The following NYAP2 variants were observed in gnomAD, a reference collection of about 807,000 sequenced individuals.
The protein encoded by NYAP2 is neuronal tyrosine-phosphorylated phosphoinositide-3-kinase adaptor 2, also known as neuronal tyrosine-phosphorylated phosphoinositide-3-kinase adapter 2.
In NYAP2, 23 loss-of-function variants were observed where a neutral mutation model predicts 50.4. The observed-to-expected ratio is 0.46, with a 90% CI of 0.33 to 0.65. The LOEUF is 0.65. Among genes scored for constraint, NYAP2 ranks in the 30% least tolerant of loss-of-function variants. The pLI, the probability that NYAP2 is intolerant of heterozygous loss-of-function variation, is 0.02. For missense variants in NYAP2, 885 were observed against 861.0 expected, an observed-to-expected ratio of 1.03 and a Z score of -0.35; for synonymous variants, 394 against 365.2, an observed-to-expected ratio of 1.08 and a Z score of -0.90.
chr2:225,662,378 A>G, the NYAP2 span, among the ~76,000 whole-genome samples: 1 of 152,244 alleles, frequency 6.6e-6, no homozygotes, highest in Non-Finnish European at 1.5e-5. Flanking sequence ...ACATTCTGAA[A>G]AGAAAACATA....
intron 3 of NYAP2, among the ~76,000 whole-genome samples, chr2:225,485,319 C>T (rs1034377606): frequency 2.0e-5 from 3 of 152,132 alleles, no homozygotes; most frequent in Non-Finnish European, 2.9e-5. Flanking sequence ...GTCAATTAAA[C>T]CTCTTTCCCT....
intron 5 of NYAP2, among the ~76,000 whole-genome samples, chr2:225,613,221 A>G (rs779720516): frequency 6.6e-6 from 1 of 152,306 alleles, no homozygotes; most frequent in East Asian, 1.9e-4. Context: ...GAGAGTCCCC[A>G]GAAATCCACT....
intron 4 of NYAP2, among the ~76,000 whole-genome samples, chr2:225,537,441 T>C (rs1443980114): frequency 6.6e-6 from 1 of 152,156 alleles, no homozygotes; most frequent in East Asian, 1.9e-4. Context: ...CCTCACACCA[T>C]GGCAGAAGGT....
At chr2:225,432,036 C>T (rs1297419253) in intron 3 of NYAP2, among the ~76,000 whole-genome samples, 1 of 152,000 alleles carries the variant, frequency 6.6e-6, no homozygotes, top group South Asian at 2.1e-4. Context: ...GTGGCACGCT[C>T]TCGGCTCACT....
chr2:225,651,888 T>C (rs1302187915), exon 7 of NYAP2: 1 of 219,172 alleles, frequency 4.6e-6, no homozygotes, highest in Non-Finnish European at 8.9e-6. Flanking sequence ...TTTTGTGTAC[T>C]TTTATACTGT....
Position 225,582,356 on chromosome 2 carries a change from C to T in NYAP2, c.939C>T (p.Cys313=), listed in dbSNP as rs774620831. 8.7e-6 allele frequency: 14 copies of T among 1,612,614 alleles called. No individual in the cohort carries two copies. The East Asian group carries it at 1.8e-4, about 21-fold the overall frequency. Residue 313 remains cysteine, a synonymous_variant, in exon 5 of 7, where the codon TGC becomes TGT. Transcript: ENST00000636099. The surrounding 1 kb of genome is among the most constrained non-coding windows in gnomAD (Gnocchi z 7.0). ...ACTTCGCCAAGGCCTCAGTGCCATG[C>T]CCCCCCAAGGGGCTGCTTTGCGACA...
chr2:225,519,247 T>C (rs912782993), intron 4 of NYAP2, among the ~76,000 whole-genome samples: 1 of 151,678 alleles, frequency 6.6e-6, no homozygotes, highest in African/African-American at 2.4e-5. Context: ...TAAAGAATAT[T>C]TTATTTTTTT....
the NYAP2 span, chr2:225,703,494 G>T: frequency 6.6e-6 from 1 of 151,312 alleles, no homozygotes; most frequent in Non-Finnish European, 1.5e-5. Flanking sequence ...ATTTTTTTAG[G>T]TAACATGTAA....
chr2:225,516,903 G>A (rs1159208486), intron 4 of NYAP2, among the ~76,000 whole-genome samples: 1 of 151,914 alleles, frequency 6.6e-6, no homozygotes, highest in Non-Finnish European at 1.5e-5. Context: ...TACATTAAAT[G>A]CCAGAAAAAT....
At chr2:225,583,020 A>G (rs1174600272) in exon 5 of NYAP2, 5 of 1,611,106 alleles carry the variant, frequency 3.1e-6, no homozygotes, top group Admixed American at 1.7e-5. Flanking sequence ...CCGGCGCTCC[A>G]AAGAGCCTGC....
At chr2:225,436,799 G>A (rs1205259041) in intron 3 of NYAP2, among the ~76,000 whole-genome samples, 1 of 150,448 alleles carries the variant, frequency 6.6e-6, no homozygotes. Flanking sequence ...TTCTTCTCAG[G>A]TAAAATTATT....
chr2:225,429,505 A>C (rs576136585), intron 3 of NYAP2, among the ~76,000 whole-genome samples: 1 of 152,354 alleles, frequency 6.6e-6, no homozygotes, highest in South Asian at 2.1e-4. Context: ...AGAACAAAGA[A>C]AAATCATTTT....
rs1692291763 is a variant in NYAP2, at chr2:225,582,310, C to T, written c.893C>T (p.Thr298Ile). ...CACAGCTGTTCTTCGCAGTGTGCTA[C>T]TCCCACGGTGCCTGACTTGGACTTC... The change falls in exon 5 of 7, where the codon ACT becomes ATT. Residue 298 changes from threonine (T) to isoleucine (I), a missense_variant. Thr to Ile is a moderately conservative substitution (Grantham distance 89). Transcript: ENST00000636099. This position sits in a 1 kb window ranked among gnomAD's most constrained non-coding sequence, Gnocchi z 7.0. 15 of 1,613,900 alleles carry T rather than the reference C, an allele frequency of 9.3e-6. No individual in the cohort carries two copies. Among genetic ancestry groups the T allele is most frequent in the African/African-American group, 2.7e-5 (2 of 74,930 alleles).
chr2:225,571,265 G>T (rs1455970386), intron 4 of NYAP2, among the ~76,000 whole-genome samples: 1 of 152,202 alleles, frequency 6.6e-6, no homozygotes, highest in African/African-American at 2.4e-5. Context: ...TCTGGGGTCT[G>T]GAGGACGGTG....
At chr2:225,476,920 G>A in intron 3 of NYAP2, among the ~76,000 whole-genome samples, 1 of 151,796 alleles carries the variant, frequency 6.6e-6, no homozygotes, top group East Asian at 1.9e-4. Flanking sequence ...TTTAAAAAAC[G>A]GCTATTTAAC....
At chr2:225,633,280 C>T (rs966901556) in intron 6 of NYAP2, among the ~76,000 whole-genome samples, 3 of 152,144 alleles carry the variant, frequency 2.0e-5, no homozygotes, top group African/African-American at 7.2e-5. Flanking sequence ...TATAGTGTAA[C>T]ATTTAAATCT....
intron 6 of NYAP2, among the ~76,000 whole-genome samples, chr2:225,641,596 C>T (rs1228337287): frequency 1.3e-5 from 2 of 151,844 alleles, no homozygotes; most frequent in South Asian, 2.1e-4. Flanking sequence ...GGGTGGATCA[C>T]GATGTCAGGA....
intron 4 of NYAP2, among the ~76,000 whole-genome samples, chr2:225,535,240 C>A (rs1174124145): frequency 1.3e-5 from 2 of 152,158 alleles, no homozygotes; most frequent in South Asian, 2.1e-4. Flanking sequence ...TCTCCAGTAT[C>A]TTCTATGGAC....
Position 225,409,102 on chromosome 2 carries a change from G to C in NYAP2, c.221+1G>C. On this transcript the variant is annotated splice_donor_variant, in intron 3 of 6. Coordinates refer to ENST00000636099, the Ensembl canonical transcript of NYAP2. LOFTEE classifies it high-confidence loss of function. Reference sequence around the variant, plus strand: ...GAAGACAAGAAGAAGCAATAAAGCGGTAAATATAAATAAAATTATTTTGAG... The same window carrying C: ...GAAGACAAGAAGAAGCAATAAAGCGCTAAATATAAATAAAATTATTTTGAG... The C allele has an allele frequency of 6.4e-7, 1 of 1,561,286 alleles. No individual in the cohort carries two copies. Among genetic ancestry groups the C allele is most frequent in the Non-Finnish European group, 8.7e-7 (1 of 1,149,572 alleles).
Sources: gnomAD v4.1 joint callset for allele counts (sites outside exome capture counted in the v4.1 genomes callset) on GRCh38, gnomAD v4.1.1 for gene constraint, Gnocchi (gnomAD v3.1) non-coding constraint, MANE v1.5 for transcripts, NCBI Gene and HGNC (gene_info 2026-07-23, HGNC 2026-07-21) for gene names.